Variants in ARHGAP26 observed in about 807,000 individuals in gnomAD.
ARHGAP26 encodes rho GTPase-activating protein 26.
A neutral mutation model predicts 104.8 loss-of-function variants in ARHGAP26; 38 were observed. The ratio of observed to expected loss-of-function variants is 0.36; its 90% CI spans 0.28 to 0.48. The LOEUF is 0.48. ARHGAP26 is among the 20% of genes least tolerant of loss of function. The pLI is 0.99. For missense variants in ARHGAP26, 704 were observed against 947.9 expected, an observed-to-expected ratio of 0.74 and a Z score of 3.38; for synonymous variants, 341 against 340.0, an observed-to-expected ratio of 1.00 and a Z score of -0.03.
chr5:143,144,011 C>T (rs183454156), intron 19 of ARHGAP26, among the ~76,000 whole-genome samples: 30 of 152,348 alleles, frequency 2.0e-4, no homozygotes, highest in African/African-American at 7.2e-4. Flanking sequence ...GGCAAGCATT[C>T]TCACTGACTT....
At chr5:143,074,408 C>T (rs1788699703) in intron 17 of ARHGAP26, among the ~76,000 whole-genome samples, 1 of 152,176 alleles carries the variant, frequency 6.6e-6, no homozygotes, top group South Asian at 2.1e-4. Context: ...ATTAATCTCT[C>T]TGCCCAGGTC....
intron 21 of ARHGAP26, among the ~76,000 whole-genome samples, chr5:143,208,274 C>T (rs534478435): frequency 1.3e-5 from 2 of 152,220 alleles, no homozygotes; most frequent in Middle Eastern, 3.2e-3. Context: ...ACGTGCTTCT[C>T]TCTCAAGCTT....
Position 142,919,493 on chromosome 5 carries a change from G to A in ARHGAP26, c.1028+6200G>A, listed in dbSNP as rs1240875452. 4 of 398,036 alleles carry A rather than the reference G, an allele frequency of 1.0e-5. 1 individual carries two copies. Among genetic ancestry groups the A allele is most frequent in the African/African-American group, 2.1e-5 (1 of 48,728 alleles). The allele number at this position is 398,036 out of a possible 1,614,324, so 24.7% of individuals were successfully genotyped here. Reference sequence around the variant, plus strand: ...ACGGCAGCCCCAGGAAATGAACGCAGTTTGAATAGGGAGGGCCTTTCTCAA... The same window carrying A: ...ACGGCAGCCCCAGGAAATGAACGCAATTTGAATAGGGAGGGCCTTTCTCAA... On this transcript the variant is annotated intron_variant, in intron 10 of 22. Coordinates refer to ENST00000645722, the MANE Select transcript of ARHGAP26 (RefSeq NM_001135608.3).
intron 1 of ARHGAP26, among the ~76,000 whole-genome samples, chr5:142,808,040 C>T (rs1763320370): frequency 1.3e-5 from 2 of 151,752 alleles, no homozygotes; most frequent in South Asian, 4.2e-4. Flanking sequence ...TCGAAACCAT[C>T]CTGGCTAATA....
chr5:143,180,861 T>C (rs1470830242), intron 20 of ARHGAP26, among the ~76,000 whole-genome samples: 1 of 152,212 alleles, frequency 6.6e-6, no homozygotes, highest in Non-Finnish European at 1.5e-5. Flanking sequence ...CTACCTGTTC[T>C]TTAGGCCCAT....
chr5:143,127,586 C>T (rs543717257), intron 18 of ARHGAP26, among the ~76,000 whole-genome samples: 4 of 152,292 alleles, frequency 2.6e-5, no homozygotes, highest in African/African-American at 9.6e-5. Flanking sequence ...CCCCACTTAA[C>T]ACCTGGACTA....
intron 11 of ARHGAP26, among the ~76,000 whole-genome samples, chr5:143,009,344 A>C (rs1472533094): frequency 6.6e-6 from 1 of 152,136 alleles, no homozygotes; most frequent in Non-Finnish European, 1.5e-5. Flanking sequence ...ACAATGACTT[A>C]TTGATCATGT....
intron 10 of ARHGAP26, among the ~76,000 whole-genome samples, chr5:142,913,508 A>T (rs889322078): frequency 3.4e-5 from 5 of 147,484 alleles, no homozygotes; most frequent in African/African-American, 2.5e-5. Context: ...AATCATTAGA[A>T]CCTCCCTATC....
rs117527772 is a variant in ARHGAP26, at chr5:143,102,892, G to A, written c.1539-18096G>A. Among the ~76,000 whole-genome samples, 778 of 151,950 alleles carry A rather than the reference G, an allele frequency of 5.1e-3. 21 individuals carry two copies. In the East Asian group the frequency reaches 0.076, roughly 15 times the overall value. On this transcript the variant is annotated intron_variant, in intron 17 of 22. Transcript: ENST00000645722. The stretch of plus-strand genomic sequence containing the variant: ...CCCAGTGCCTCTATGAAATAGACCA[G>A]GGAAGAGGCAGCACAATCCATTTTT...
At chr5:143,060,616 T>A (rs1786560641) in intron 17 of ARHGAP26, among the ~76,000 whole-genome samples, 1 of 151,898 alleles carries the variant, frequency 6.6e-6, no homozygotes, top group Non-Finnish European at 1.5e-5. Flanking sequence ...TCTACTATGA[T>A]AATTAGATGT....
intron 17 of ARHGAP26, among the ~76,000 whole-genome samples, chr5:143,077,695 A>G (rs1789237454): frequency 6.6e-6 from 1 of 152,346 alleles, no homozygotes; most frequent in Non-Finnish European, 1.5e-5. Context: ...CTTTGTGGAA[A>G]GTCTCTCTTG....
At position 143,222,417 on chromosome 5, in the gene ARHGAP26, A is replaced by G. The variant is rs1193453853; in HGVS notation, c.2251A>G (p.Ile751Val). 1.2e-6 allele frequency: 2 copies of G among 1,603,138 alleles called. No homozygotes were observed. Among genetic ancestry groups the G allele is most frequent in the Admixed American group, 1.7e-5 (1 of 59,654 alleles). Residue 751 changes from isoleucine (I) to valine (V), a missense_variant, in exon 23 of 23, where the codon ATC becomes GTC. Physicochemically the swap from Ile to Val is conservative, Grantham distance 29. This residue lies in a region of ARHGAP26 where 217 missense variants were observed against 242.6 expected (regional missense o/e 0.89). Transcript: ENST00000645722. ...GACTCTGAACGGAAAGACTGGCCTC[A>G]TCCCTGAGAATTACGTGGAGTTCCT... ...EGTLNGKTGL[I>V]PENYVEFL
chr5:143,123,026 G>A (rs1796318052), intron 18 of ARHGAP26, among the ~76,000 whole-genome samples: 1 of 152,296 alleles, frequency 6.6e-6, no homozygotes, highest in East Asian at 1.9e-4. Flanking sequence ...AGGAAAGCAG[G>A]GACGTTGTGT....
rs1315303390 is a variant in ARHGAP26 at position 143,216,465 on chromosome 5, C to T, written c.2191+2377C>T. On this transcript the variant is annotated intron_variant, in intron 22 of 22. Coordinates refer to ENST00000645722, the MANE Select transcript of ARHGAP26 (RefSeq NM_001135608.3). Reference sequence around the variant, plus strand: ...TGACCTCACGCCCTCACTTGACATACTACAGCCTCATGCCTTCTTCATGTT... The same window carrying T: ...TGACCTCACGCCCTCACTTGACATATTACAGCCTCATGCCTTCTTCATGTT... 1.1e-5 allele frequency: 4 copies of T among 352,376 alleles called. No homozygotes were observed. The East Asian group carries it at 2.2e-4, about 20-fold the overall frequency. 21.8% of individuals were successfully genotyped at this position (352,376 alleles called of 1,614,324 possible). A position where few individuals can be genotyped will look rare whatever the true frequency, so the allele number is the denominator to read the frequency against.
chr5:142,903,683 CT>C lies in ARHGAP26; in HGVS notation c.832+15del. 1 of 1,612,290 alleles carries C rather than the reference CT, an allele frequency of 6.2e-7. No homozygotes were observed. ...TGCAGGAGAAACGTGAGTGCTTTGA[CT>C]AGCAACAGCTTGGGATGTACTCAGG... is the stretch of plus-strand genomic sequence containing the variant. On this transcript the variant is annotated intron_variant, in intron 8 of 22. Coordinates refer to ENST00000645722, the MANE Select transcript of ARHGAP26 (RefSeq NM_001135608.3).
intron 20 of ARHGAP26, among the ~76,000 whole-genome samples, chr5:143,177,178 T>A (rs935030900): frequency 6.6e-6 from 1 of 152,180 alleles, no homozygotes; most frequent in East Asian, 1.9e-4. Flanking sequence ...ATATACAATC[T>A]AGAATAAATG....
At chr5:143,106,161 A>C (rs564398065) in intron 17 of ARHGAP26, among the ~76,000 whole-genome samples, 1 of 152,212 alleles carries the variant, frequency 6.6e-6, no homozygotes, top group South Asian at 2.1e-4. Context: ...GGTACATAGC[A>C]ACAGGATTGT....
chr5:143,003,498 G>A (rs151133517), intron 11 of ARHGAP26, among the ~76,000 whole-genome samples: 12 of 152,128 alleles, frequency 7.9e-5, no homozygotes, highest in Non-Finnish European at 1.6e-4. Context: ...TTTAGATGCC[G>A]CATAGATCAC....
intron 20 of ARHGAP26, among the ~76,000 whole-genome samples, chr5:143,183,792 C>G (rs767444087): frequency 5.5e-4 from 84 of 152,212 alleles, no homozygotes; most frequent in Non-Finnish European, 7.3e-4. Context: ...TCCTGTGGCT[C>G]CTCAGCAGTG....
Sources: allele counts gnomAD v4.1 joint callset (sites outside exome capture counted in the v4.1 genomes callset), GRCh38; gene constraint gnomAD v4.1.1; regional missense constraint gnomAD v4.1.1; transcripts MANE v1.5; gene names NCBI Gene and HGNC (gene_info 2026-07-23, HGNC 2026-07-21).